Variants in SARNP observed in about 807,000 individuals in gnomAD.
SARNP encodes SAP domain containing ribonucleoprotein.
SARNP carries 5 observed loss-of-function variants against 38.1 expected under a neutral mutation model. That is an observed-to-expected ratio of 0.13 (90% CI 0.07 to 0.28). The LOEUF is 0.28. Among genes scored for constraint, SARNP ranks in the 10% least tolerant of loss-of-function variants. The pLI is 1.00. For synonymous variants in SARNP, 84 were observed against 80.6 expected (o/e 1.04, Z -0.23); for missense variants, 180 against 243.9 (o/e 0.74, Z 1.75).
chr12:55,781,989 C>G (rs1432805024), intron 9 of SARNP, among the ~76,000 whole-genome samples: 1 of 152,160 alleles, frequency 6.6e-6, no homozygotes, highest in Non-Finnish European at 1.5e-5. Flanking sequence ...CAGGTGTGAA[C>G]CTCTGTGCCC....
intron 6 of SARNP, 86 bp downstream of exon 6, chr12:55,794,721 T>C (rs1879770023): frequency 1.2e-6 from 1 of 831,922 alleles, no homozygotes; most frequent in Non-Finnish European, 2.0e-6. Context: ...CTACTTAAAA[T>C]CAACAATTAT....
At chr12:55,783,148 T>C (rs1879387592) in intron 9 of SARNP, among the ~76,000 whole-genome samples, 1 of 152,000 alleles carries the variant, frequency 6.6e-6, no homozygotes, top group African/African-American at 2.4e-5. Context: ...TGCTAAGTTC[T>C]GTCCTTCACC....
At position 55,782,129 on chromosome 12, in the gene SARNP, GAC is replaced by G. The variant is rs142196566; in HGVS notation, c.501+6944_501+6945del. On this transcript the variant is annotated intron_variant, in intron 9 of 10. Coordinates refer to ENST00000336133, the MANE Select transcript of SARNP (RefSeq NM_033082.4). ...TACTGGACTTAAGACAACTCTTTAG[GAC>G]AGTTACCTATATGAAGGGCTGGAAG... Among the ~76,000 whole-genome samples, 226 of 152,278 alleles carry G rather than the reference GAC, an allele frequency of 1.5e-3. 1 individual carries two copies. Among genetic ancestry groups the G allele is most frequent in the African/African-American group, 5.0e-3 (209 of 41,566 alleles).
intron 5 of SARNP, 59 bp from the exon 6 acceptor site, chr12:55,794,939 G>A (rs946286670): frequency 5.4e-6 from 2 of 370,794 alleles, no homozygotes; most frequent in Non-Finnish European, 1.1e-5. Flanking sequence ...AAGAAAGTCA[G>A]TCAGAGGTAG....
chr12:55,780,686 T>C (rs538262714), intron 9 of SARNP, among the ~76,000 whole-genome samples: 1 of 151,720 alleles, frequency 6.6e-6, no homozygotes, highest in African/African-American at 2.4e-5. Context: ...AAAAAAATTA[T>C]AACAATATGC....
intron 7 of SARNP, chr12:55,793,359 G>C (rs1458833400): frequency 6.6e-6 from 1 of 152,112 alleles, no homozygotes; most frequent in Non-Finnish European, 1.5e-5. Flanking sequence ...ACACAGACAA[G>C]CAAAAAGAAA....
At chr12:55,817,495 G>A (rs981079759) in intron 1 of SARNP, among the ~76,000 whole-genome samples, 171 bp downstream of exon 1, 1 of 152,262 alleles carries the variant, frequency 6.6e-6, no homozygotes, top group Non-Finnish European at 1.5e-5. Flanking sequence ...GAGGAGAAAT[G>A]GGAAATTAGG....
Position 55,794,810 on chromosome 12 carries a change from G to A in SARNP, c.374C>T (p.Ala125Val). Residue 125 changes from alanine (A) to valine (V), a missense_variant, in exon 6 of 11, where the codon GCT becomes GTT. By Grantham distance (64) the Ala-to-Val change is moderately conservative. Transcript: ENST00000336133. Reference sequence around the variant, plus strand: ...CCAAAAGGCTGGGGACACTCACCTAGCTGCCCGAGCAGCTTTCTTACTCTC... The same window carrying A: ...CCAAAAGGCTGGGGACACTCACCTAACTGCCCGAGCAGCTTTCTTACTCTC... Reference protein sequence around the residue: ...SLESKKAARAARFGISSVPTK... With the variant: ...SLESKKAARAVRFGISSVPTK... 6.2e-7 allele frequency: 1 copy of A among 1,605,520 alleles called. No homozygotes were observed. The highest frequency in any genetic ancestry group is 8.5e-7 in the Non-Finnish European group (1 of 1,172,592).
At chr12:55,754,703 T>G (rs1445425435), downstream of SARNP, 1 of 152,232 alleles carries the variant, frequency 6.6e-6, no homozygotes, top group Non-Finnish European at 1.5e-5. Flanking sequence ...ATAATTACTA[T>G]GCAAATTATG....
chr12:55,813,187 G>A (rs976835158), intron 1 of SARNP, among the ~76,000 whole-genome samples: 1 of 152,058 alleles, frequency 6.6e-6, no homozygotes, highest in African/African-American at 2.4e-5. Flanking sequence ...CTCGTGATCT[G>A]CCCACCTTGG....
chr12:55,761,032 C>G (rs1466310960), intron 9 of SARNP, among the ~76,000 whole-genome samples: 1 of 151,978 alleles, frequency 6.6e-6, no homozygotes, highest in Non-Finnish European at 1.5e-5. Flanking sequence ...AAAAAATTAG[C>G]TGGGTGTGGT....
At chr12:55,799,847 T>C (rs577483403) in intron 4 of SARNP, among the ~76,000 whole-genome samples, 41 of 149,900 alleles carry the variant, frequency 2.7e-4, no homozygotes, top group Admixed American at 5.3e-4. Flanking sequence ...CCACCGTGCC[T>C]GGCCTCAGTT....
chr12:55,808,242 G>C (rs1880214756), intron 1 of SARNP, among the ~76,000 whole-genome samples: 1 of 152,056 alleles, frequency 6.6e-6, no homozygotes, highest in Admixed American at 6.6e-5. Flanking sequence ...CTGCAAGTTG[G>C]AAGGCTGAGG....
downstream of SARNP, chr12:55,755,447 T>G (rs965156228): frequency 8.5e-5 from 13 of 152,182 alleles, no homozygotes; most frequent in Admixed American, 7.2e-4. Flanking sequence ...ACTCCCTCAT[T>G]AAGAGCTTCC....
downstream of SARNP, chr12:55,757,257 A>C (rs992764276): frequency 5.9e-6 from 2 of 339,440 alleles, no homozygotes; most frequent in Non-Finnish European, 1.1e-5. Context: ...GGAGCACCTA[A>C]TAAAACACAT....
chr12:55,754,679 C>G (rs900090219), downstream of SARNP: 3 of 152,158 alleles, frequency 2.0e-5, no homozygotes, highest in African/African-American at 4.8e-5. Flanking sequence ...CCAGTAAAAG[C>G]TAATATTTAT....
chr12:55,753,847 T>C (rs1403604884), downstream of SARNP: 1 of 150,928 alleles, frequency 6.6e-6, no homozygotes, highest in Non-Finnish European at 1.5e-5. Flanking sequence ...TTCAGGAGGC[T>C]GTGGCAGGAG....
chr12:55,796,342 C>T (rs1369444737), intron 4 of SARNP, among the ~76,000 whole-genome samples: 1 of 152,166 alleles, frequency 6.6e-6, no homozygotes, highest in East Asian at 1.9e-4. Context: ...ATATACTGGG[C>T]TGAAGGGAAA....
At chr12:55,798,296 G>T (rs1454617155) in intron 4 of SARNP, among the ~76,000 whole-genome samples, 2 of 152,134 alleles carry the variant, frequency 1.3e-5, no homozygotes, top group East Asian at 3.9e-4. Context: ...TCAAGAGTTT[G>T]AGACCAGCCT....
Sources: allele counts gnomAD v4.1 joint callset (sites outside exome capture counted in the v4.1 genomes callset), GRCh38; gene constraint gnomAD v4.1.1; transcripts MANE v1.5; gene names NCBI Gene and HGNC (gene_info 2026-07-23, HGNC 2026-07-21).